Variants in KHDRBS3 observed in about 807,000 individuals in gnomAD.
The protein encoded by KHDRBS3 is KH domain-containing, RNA-binding, signal transduction-associated protein 3.
In KHDRBS3, 23 loss-of-function variants were observed where a neutral mutation model predicts 45.6. The ratio of observed to expected loss-of-function variants is 0.50; its 90% CI spans 0.36 to 0.72. The LOEUF (loss-of-function observed/expected upper bound fraction) is 0.72, where lower values mean the gene tolerates loss of function less well. Ranked by LOEUF, KHDRBS3 falls within the 30% of genes least tolerant of loss-of-function variation. The pLI, the probability that KHDRBS3 is intolerant of heterozygous loss-of-function variation, is 0.00. For missense variants in KHDRBS3, 352 were observed against 424.8 expected, an observed-to-expected ratio of 0.83 and a Z score of 1.51; for synonymous variants, 162 against 156.5, an observed-to-expected ratio of 1.04 and a Z score of -0.26.
chr8:135,495,109 T>C (rs1173325193), intron 1 of KHDRBS3, among the ~76,000 whole-genome samples: 1 of 152,188 alleles, frequency 6.6e-6, no homozygotes, highest in African/African-American at 2.4e-5. Flanking sequence ...CTCCCAGGTG[T>C]TTTAAACTAT....
chr8:135,555,929 AC>A (rs1385966615), intron 4 of KHDRBS3, among the ~76,000 whole-genome samples: 1 of 151,912 alleles, frequency 6.6e-6, no homozygotes, highest in African/African-American at 2.4e-5. Context: ...TGTTCCCCTC[AC>A]TGTGTCCATG....
intron 1 of KHDRBS3, among the ~76,000 whole-genome samples, chr8:135,493,179 A>G (rs1023652965): frequency 6.6e-6 from 1 of 151,334 alleles, no homozygotes; most frequent in Non-Finnish European, 1.5e-5. Context: ...CCGGGTTCAC[A>G]CCATTCTCCT....
intron 7 of KHDRBS3, among the ~76,000 whole-genome samples, chr8:135,630,569 A>G (rs1024448671): frequency 6.6e-6 from 1 of 151,862 alleles, no homozygotes; most frequent in Non-Finnish European, 1.5e-5. Context: ...TAATTTCATC[A>G]TTAGGGGAAC....
At chr8:135,606,677 G>GA (rs1340010850) in intron 6 of KHDRBS3, among the ~76,000 whole-genome samples, 1 of 152,020 alleles carries the variant, frequency 6.6e-6, no homozygotes, top group Non-Finnish European at 1.5e-5. Context: ...TTAAAAAAAA[G>GA]AAAAAAGACA....
chr8:135,539,257 G>T (rs1336230942), intron 2 of KHDRBS3: 6 of 152,330 alleles, frequency 3.9e-5, no homozygotes, highest in Admixed American at 3.9e-4. Flanking sequence ...TGCAACATCT[G>T]CAGTTTGAGA....
At chr8:135,632,882 T>C (rs564675945) in intron 7 of KHDRBS3, among the ~76,000 whole-genome samples, 2 of 152,240 alleles carry the variant, frequency 1.3e-5, no homozygotes, top group African/African-American at 2.4e-5. Context: ...CTGAAGAACT[T>C]GACATTTGAT....
At chr8:135,500,417 G>T (rs2130499903) in intron 1 of KHDRBS3, among the ~76,000 whole-genome samples, 1 of 152,264 alleles carries the variant, frequency 6.6e-6, no homozygotes, top group South Asian at 2.1e-4. Flanking sequence ...GGAACTCCTA[G>T]GGCTGATGGA....
At position 135,630,683 on chromosome 8, in the gene KHDRBS3, A is replaced by G. The variant is rs112783998; in HGVS notation, c.891-14376A>G. Among the ~76,000 whole-genome samples the G allele has an allele frequency of 4.6e-5, 7 of 152,286 alleles. 1 individual carries two copies. Among genetic ancestry groups the G allele is most frequent in the African/African-American group, 1.4e-4 (6 of 41,576 alleles). ...AGGCTACAGACCTGGACAGCATATC[A>G]TTGCACTGAATACTGTGGGCAATGG... On this transcript the variant is annotated intron_variant, in intron 7 of 8. Transcript: ENST00000355849.
chr8:135,590,563 T>C (rs990026261), intron 6 of KHDRBS3, among the ~76,000 whole-genome samples: 7 of 152,200 alleles, frequency 4.6e-5, no homozygotes, highest in Non-Finnish European at 8.8e-5. Flanking sequence ...ACCCTAAAGA[T>C]GGTTTTTGAA....
chr8:135,548,495 G>A (rs1380426338), intron 3 of KHDRBS3, among the ~76,000 whole-genome samples: 1 of 152,078 alleles, frequency 6.6e-6, no homozygotes, highest in Non-Finnish European at 1.5e-5. Flanking sequence ...CAGATGATGG[G>A]GCTCCTACAA....
chr8:135,525,281 A>G (rs941432525), intron 2 of KHDRBS3, among the ~76,000 whole-genome samples: 1 of 152,138 alleles, frequency 6.6e-6, no homozygotes, highest in African/African-American at 2.4e-5. Context: ...TTTTGTGTCT[A>G]ATTTTTGTCA....
At chr8:135,509,990 T>G (rs1437073528) in intron 1 of KHDRBS3, among the ~76,000 whole-genome samples, 5 of 150,412 alleles carry the variant, frequency 3.3e-5, no homozygotes, top group Admixed American at 1.3e-4. Context: ...TTTTTTTTTT[T>G]TTGCTTAAAG....
At chr8:135,655,334 A>G (rs1275727286) in intron 4 of KHDRBS3, among the ~76,000 whole-genome samples, 1 of 152,218 alleles carries the variant, frequency 6.6e-6, no homozygotes, top group Non-Finnish European at 1.5e-5. Context: ...GGAGAAAGGG[A>G]TGAACTTGCT....
intron 7 of KHDRBS3, among the ~76,000 whole-genome samples, chr8:135,610,568 C>A (rs1212231777): frequency 6.6e-6 from 1 of 151,802 alleles, no homozygotes; most frequent in Non-Finnish European, 1.5e-5. Context: ...TAGAAAAAAA[C>A]AAATGTAAAT....
intron 2 of KHDRBS3, among the ~76,000 whole-genome samples, chr8:135,528,519 G>A (rs1217233256): frequency 6.6e-6 from 1 of 152,228 alleles, no homozygotes; most frequent in Non-Finnish European, 1.5e-5. Context: ...GATAATTTAT[G>A]TGAAAATGAT....
chr8:135,591,096 G>A (rs1193490650), intron 6 of KHDRBS3, among the ~76,000 whole-genome samples: 1 of 152,136 alleles, frequency 6.6e-6, no homozygotes, highest in Non-Finnish European at 1.5e-5. Flanking sequence ...ATCATCTCCT[G>A]AGGCTTGGTA....
chr8:135,602,169 T>TC (rs1177445135), intron 6 of KHDRBS3, among the ~76,000 whole-genome samples: 2 of 152,208 alleles, frequency 1.3e-5, no homozygotes, highest in Non-Finnish European at 2.9e-5. Flanking sequence ...TAGTAGATGT[T>TC]CAACAAGAAT....
intron 5 of KHDRBS3, among the ~76,000 whole-genome samples, chr8:135,561,647 T>C (rs1470907036): frequency 2.0e-5 from 3 of 151,970 alleles, no homozygotes; most frequent in African/African-American, 2.4e-5. Flanking sequence ...TAATACAAGA[T>C]GAAAAGACTT....
intron 6 of KHDRBS3, 81 bp downstream of exon 6, chr8:135,582,154 C>T (rs1049817657): frequency 5.3e-6 from 7 of 1,312,586 alleles, no homozygotes; most frequent in Middle Eastern, 2.9e-4. Flanking sequence ...TACCCGCGTA[C>T]GCTTCCTCAC....
Sources: allele counts gnomAD v4.1 joint callset (sites outside exome capture counted in the v4.1 genomes callset), GRCh38; gene constraint gnomAD v4.1.1; transcripts MANE v1.5; gene names NCBI Gene and HGNC (gene_info 2026-07-23, HGNC 2026-07-21).